The following SLC4A4 variants were observed in gnomAD, a reference collection of about 807,000 sequenced individuals.
SLC4A4 encodes the protein electrogenic sodium bicarbonate cotransporter 1.
SLC4A4 carries 27 observed loss-of-function variants against 111.5 expected under a neutral mutation model. The observed-to-expected ratio is 0.24, with a 90% CI of 0.18 to 0.33. The LOEUF (loss-of-function observed/expected upper bound fraction) is 0.33. Ranked by LOEUF, SLC4A4 falls within the 10% of genes least tolerant of loss-of-function variation. The pLI is 1.00. For missense variants in SLC4A4, 909 were observed against 1,315.5 expected, an observed-to-expected ratio of 0.69 and a Z score of 4.78; for synonymous variants, 443 against 463.4, an observed-to-expected ratio of 0.96 and a Z score of 0.57.
intron 1 of SLC4A4, among the ~76,000 whole-genome samples, chr4:71,065,796 G>A (rs992756528): frequency 1.3e-5 from 2 of 152,106 alleles, no homozygotes; most frequent in Non-Finnish European, 2.9e-5. Flanking sequence ...AAGTCTGGAT[G>A]AAGTGTCTCT....
chr4:71,193,410 TG>T (rs1745840820), intron 1 of SLC4A4, among the ~76,000 whole-genome samples: 3 of 152,162 alleles, frequency 2.0e-5, no homozygotes, highest in African/African-American at 4.8e-5. Flanking sequence ...CCGCCCGCCT[TG>T]GCCTCCCAAA....
At chr4:71,143,073 T>C (rs1262575642) in intron 2 of SLC4A4, among the ~76,000 whole-genome samples, 6 of 152,244 alleles carry the variant, frequency 3.9e-5, no homozygotes, top group African/African-American at 1.4e-4. Context: ...GCATTAGGTA[T>C]ATCTCCTAAC....
At chr4:71,473,393 T>C in intron 14 of SLC4A4, 1 of 351,604 alleles carries the variant, frequency 2.8e-6, no homozygotes, top group East Asian at 4.4e-5. Context: ...ATTTTAAACT[T>C]ATAGAAGAAA....
intron 15 of SLC4A4, among the ~76,000 whole-genome samples, chr4:71,493,731 ATC>A (rs1015650825): frequency 8.5e-6 from 1 of 117,142 alleles, no homozygotes; most frequent in African/African-American, 2.7e-5. Flanking sequence ...TTTCCCATCA[ATC>A]TCTTTTCCTT....
At chr4:71,431,738 T>C (rs886648361) in intron 7 of SLC4A4, among the ~76,000 whole-genome samples, 3 of 152,108 alleles carry the variant, frequency 2.0e-5, no homozygotes, top group Non-Finnish European at 4.4e-5. Context: ...TTTTTTAGTG[T>C]GGGTATAGTG....
intron 3 of SLC4A4, among the ~76,000 whole-genome samples, chr4:71,282,537 G>A (rs577528616): frequency 1.3e-5 from 2 of 151,820 alleles, no homozygotes; most frequent in African/African-American, 4.8e-5. Flanking sequence ...CGCCCACCTC[G>A]GCCTCCCAAA....
chr4:71,483,571 C>T (rs1386396424), intron 14 of SLC4A4, among the ~76,000 whole-genome samples: 1 of 151,964 alleles, frequency 6.6e-6, no homozygotes, highest in East Asian at 1.9e-4. Flanking sequence ...TCCAGCCTAT[C>T]ATTGATGGGC....
Position 71,089,624 on chromosome 4 carries a change from C to T in SLC4A4, c.-64-3106C>T, listed in dbSNP as rs183237255. On this transcript the variant is annotated intron_variant, in intron 1 of 26. Transcript: ENST00000649996. ...TAGTTTTCCTTCTAACAGTCAGGAC[C>T]CTCAGGTGCAGGTCTTTTGGAGTTT... Among the ~76,000 whole-genome samples, 13 of 152,062 alleles carry T rather than the reference C, an allele frequency of 8.5e-5. No homozygotes were observed. In the East Asian group the frequency reaches 2.3e-3, roughly 27 times the overall value.
chr4:71,520,806 T>C (rs1732860284), intron 16 of SLC4A4, among the ~76,000 whole-genome samples: 1 of 151,956 alleles, frequency 6.6e-6, no homozygotes, highest in South Asian at 2.1e-4. Flanking sequence ...GACTTTCTTG[T>C]CAAAATTGAA....
At chr4:71,197,026 A>G (rs534433761) in intron 1 of SLC4A4, among the ~76,000 whole-genome samples, 1 of 151,726 alleles carries the variant, frequency 6.6e-6, no homozygotes, top group Non-Finnish European at 1.5e-5. Context: ...ACCAATCTGA[A>G]CAACATGGCG....
chr4:71,364,467 T>C (rs765587045), intron 6 of SLC4A4, among the ~76,000 whole-genome samples: 26 of 152,278 alleles, frequency 1.7e-4, no homozygotes, highest in East Asian at 1.9e-4. Context: ...CAATAGAAAT[T>C]TATTGCTCAC....
intron 6 of SLC4A4, among the ~76,000 whole-genome samples, chr4:71,384,642 CAAAAAAAA>C (rs773419796): frequency 2.3e-4 from 14 of 61,446 alleles, no homozygotes; most frequent in Non-Finnish European, 5.1e-4. Context: ...TCCCTCCCAC[CAAAAAAAA>C]AAAAAAAAAA....
intron 2 of SLC4A4, among the ~76,000 whole-genome samples, chr4:71,179,274 A>C (rs1386910923): frequency 6.6e-6 from 1 of 152,180 alleles, no homozygotes; most frequent in African/African-American, 2.4e-5. Flanking sequence ...AACTGGAAGC[A>C]TTCCCTTTGA....
intron 1 of SLC4A4, among the ~76,000 whole-genome samples, chr4:71,229,338 A>G (rs1382736884): frequency 6.6e-6 from 1 of 152,220 alleles, no homozygotes; most frequent in African/African-American, 2.4e-5. Context: ...GGACTTTTCT[A>G]CTATACTTAA....
chr4:71,559,659 G>A (rs1258826333), intron 22 of SLC4A4, among the ~76,000 whole-genome samples: 5 of 151,768 alleles, frequency 3.3e-5, no homozygotes, highest in African/African-American at 1.2e-4. Flanking sequence ...AGATGTCTTA[G>A]TGTTATATGT....
At chr4:71,221,139 C>T (rs1718722779) in intron 1 of SLC4A4, among the ~76,000 whole-genome samples, 1 of 152,190 alleles carries the variant, frequency 6.6e-6, no homozygotes, top group Non-Finnish European at 1.5e-5. Context: ...TAGGTTGATT[C>T]CATGTCTTTG....
intron 2 of SLC4A4, among the ~76,000 whole-genome samples, chr4:71,093,486 TCTTTA>T (rs781613485): frequency 3.7e-4 from 57 of 152,292 alleles, no homozygotes; most frequent in East Asian, 3.9e-4. Flanking sequence ...CTCCTTTCTG[TCTTTA>T]CTTTAAGAAA....
intron 12 of SLC4A4, among the ~76,000 whole-genome samples, chr4:71,460,448 T>C (rs757533970): frequency 1.3e-5 from 2 of 152,162 alleles, no homozygotes; most frequent in Admixed American, 6.6e-5. Flanking sequence ...CTTGGTAAGA[T>C]TTTTGGCTCA....
intron 3 of SLC4A4, among the ~76,000 whole-genome samples, chr4:71,322,310 C>T (rs7673301): frequency 0.11 from 17,177 of 151,862 alleles, 1,047 homozygotes; most frequent in South Asian, 0.28. Context: ...AGTCAGAAGT[C>T]CTAAAGATTC....
Sources: gnomAD v4.1 joint callset for allele counts (sites outside exome capture counted in the v4.1 genomes callset) on GRCh38, gnomAD v4.1.1 for gene constraint, MANE v1.5 for transcripts, NCBI Gene and HGNC (gene_info 2026-07-23, HGNC 2026-07-21) for gene names.